PRELID2: variants seen among roughly 807,000 people sequenced by gnomAD.
PRELID2 encodes PRELI domain-containing protein 2.
In PRELID2, 25 loss-of-function variants were observed where a neutral mutation model predicts 28.4. That is an observed-to-expected ratio of 0.88 (90% confidence interval 0.64 to 1.23). The LOEUF is 1.23. Ranked by LOEUF, PRELID2 falls within the 50% of genes most tolerant of loss-of-function variation. The pLI is 0.00. For synonymous variants in PRELID2, 76 were observed against 71.6 expected, an observed-to-expected ratio of 1.06 and a Z score of -0.31; for missense variants, 201 against 214.4, an observed-to-expected ratio of 0.94 and a Z score of 0.39.
chr5:145,444,693 G>A, the PRELID2 span, among the ~76,000 whole-genome samples: 1 of 151,926 alleles, frequency 6.6e-6, no homozygotes, highest in African/African-American at 2.4e-5. Flanking sequence ...TTTAGCTAAT[G>A]ATATACAGCT....
chr5:145,512,245 G>C (rs954698420), intron 1 of PRELID2, among the ~76,000 whole-genome samples: 3 of 152,158 alleles, frequency 2.0e-5, no homozygotes, highest in Admixed American at 6.5e-5. Flanking sequence ...ACTTCTAACT[G>C]AGGTACCCAG....
the PRELID2 span, chr5:145,229,380 T>TC: frequency 4.0e-6 from 3 of 744,082 alleles, no homozygotes; most frequent in Non-Finnish European, 7.4e-6. Context: ...CTCATGCACA[T>TC]CAGCTACAAG....
In PRELID2 at chr5:145,817,212, T is replaced by TA. The variant is rs200034950; in HGVS notation, c.368+681dup. On this transcript the variant is annotated intron_variant, in intron 4 of 6. Coordinates refer to ENST00000683046, the MANE Select transcript of PRELID2 (RefSeq NM_205846.3). ...TTTCAAAAAAAAATAAATAAATAAA[T>TA]AAAAAAAAATATATATATATATATA... Among the ~76,000 whole-genome samples the TA allele has an allele frequency of 1.5e-3, 108 of 72,838 alleles. 4 individuals carry two copies. The highest frequency in any genetic ancestry group is 3.9e-3 in the African/African-American group (92 of 23,460). 47.8% of individuals were successfully genotyped at this position (72,838 alleles called of 152,430 possible).
At chr5:145,498,497 CTGTT>C (rs976102047) in intron 1 of PRELID2, among the ~76,000 whole-genome samples, 18 of 151,996 alleles carry the variant, frequency 1.2e-4, no homozygotes, top group African/African-American at 3.9e-4. Flanking sequence ...TTGTCTCTCT[CTGTT>C]TTTTGTTTGT....
At chr5:145,316,556 A>C in the PRELID2 span, among the ~76,000 whole-genome samples, 1 of 152,174 alleles carries the variant, frequency 6.6e-6, no homozygotes, top group Non-Finnish European at 1.5e-5. Context: ...AGAACTACTT[A>C]AAGAAGGTTA....
At chr5:145,750,641 C>T (rs760823257) in intron 1 of PRELID2, among the ~76,000 whole-genome samples, 1 of 152,118 alleles carries the variant, frequency 6.6e-6, no homozygotes, top group Non-Finnish European at 1.5e-5. Context: ...GGGATACTAC[C>T]ATATTTGCCA....
intron 1 of PRELID2, among the ~76,000 whole-genome samples, chr5:145,599,515 G>A (rs1418882523): frequency 1.3e-5 from 2 of 152,066 alleles, no homozygotes; most frequent in African/African-American, 4.8e-5. Context: ...GATGACTACT[G>A]GAGGAATTCT....
At chr5:145,666,352 C>A (rs1047105655) in intron 1 of PRELID2, among the ~76,000 whole-genome samples, 1 of 152,120 alleles carries the variant, frequency 6.6e-6, no homozygotes, top group African/African-American at 2.4e-5. Context: ...CAGCCTCCAT[C>A]GCTGAAGCAG....
At chr5:145,350,295 A>G in the PRELID2 span, among the ~76,000 whole-genome samples, 2 of 152,192 alleles carry the variant, frequency 1.3e-5, no homozygotes, top group African/African-American at 4.8e-5. Flanking sequence ...ATCAGTCTAG[A>G]TGACATGAGA....
In PRELID2 at chr5:145,530,215, C is replaced by A. The variant is rs181567283; in HGVS notation, n.71-56900G>T. Among the ~76,000 whole-genome samples the A allele has an allele frequency of 4.6e-5, 7 of 152,082 alleles. 1 individual carries two copies. The highest frequency in any genetic ancestry group is 2.0e-4 in the Admixed American group (3 of 15,244). ...GAATACATTTACAGTAGATAGAGAA[C>A]GCCATTCAATTTACTCAACAAGTAT... On this transcript the variant is annotated intron_variant and non_coding_transcript_variant, in intron 1 of 2. Transcript: ENST00000510259.
chr5:145,418,999 G>A, the PRELID2 span, among the ~76,000 whole-genome samples: 7 of 150,428 alleles, frequency 4.7e-5, no homozygotes, highest in South Asian at 2.1e-4. Flanking sequence ...TTGTTCTTGC[G>A]ATAGTTTACT....
the PRELID2 span, among the ~76,000 whole-genome samples, chr5:145,462,173 G>A: frequency 6.6e-6 from 1 of 152,166 alleles, no homozygotes; most frequent in Non-Finnish European, 1.5e-5. Flanking sequence ...AAAAGCTACA[G>A]AGAGCACTGA....
chr5:145,459,437 C>A, the PRELID2 span, among the ~76,000 whole-genome samples: 1 of 151,928 alleles, frequency 6.6e-6, no homozygotes, highest in Non-Finnish European at 1.5e-5. Flanking sequence ...ATATAGTATA[C>A]CTAGAAAAGT....
chr5:145,338,801 G>C, the PRELID2 span, among the ~76,000 whole-genome samples: 1 of 152,130 alleles, frequency 6.6e-6, no homozygotes, highest in African/African-American at 2.4e-5. Context: ...ATGGTTATGG[G>C]ATTTTAACTG....
At chr5:145,581,732 G>A (rs141843354) in intron 1 of PRELID2, among the ~76,000 whole-genome samples, 64 of 152,104 alleles carry the variant, frequency 4.2e-4, no homozygotes, top group African/African-American at 1.4e-3. Context: ...AGCCTCTTGC[G>A]ATTTTACATT....
chr5:145,789,952 C>T (rs1256390903), intron 5 of PRELID2, among the ~76,000 whole-genome samples: 1 of 152,128 alleles, frequency 6.6e-6, no homozygotes, highest in Non-Finnish European at 1.5e-5. Flanking sequence ...GAGATATCAC[C>T]TCATACTTGT....
intron 5 of PRELID2, among the ~76,000 whole-genome samples, chr5:145,776,291 T>G (rs1212585195): frequency 6.6e-6 from 1 of 152,218 alleles, no homozygotes; most frequent in East Asian, 1.9e-4. Context: ...TCTGTAGCCC[T>G]CTGAGCTCTC....
Position 145,816,373 on chromosome 5 carries a change from C to T in PRELID2, c.368+1521G>A, listed in dbSNP as rs540752260. On this transcript the variant is annotated intron_variant, in intron 4 of 6. Transcript: ENST00000683046. ...CTAGGATTACAGGCATGAGTCACCACGCCCAGCCTGTTTTTCACCTTCTTG... is the reference window on the plus strand; with the variant it reads ...CTAGGATTACAGGCATGAGTCACCATGCCCAGCCTGTTTTTCACCTTCTTG... Among the ~76,000 whole-genome samples the T allele has an allele frequency of 5.3e-5, 8 of 152,156 alleles. No individual in the cohort carries two copies. The East Asian group carries it at 1.4e-3, about 26-fold the overall frequency.
intron 1 of PRELID2, among the ~76,000 whole-genome samples, chr5:145,505,974 G>A (rs537655140): frequency 1.3e-5 from 2 of 152,282 alleles, no homozygotes; most frequent in African/African-American, 4.8e-5. Flanking sequence ...ATAGAATGGT[G>A]GTTTCCAGGG....
Sources: gnomAD v4.1 joint callset for allele counts (sites outside exome capture counted in the v4.1 genomes callset) on GRCh38, gnomAD v4.1.1 for gene constraint, MANE v1.5 for transcripts, NCBI Gene and HGNC (gene_info 2026-07-23, HGNC 2026-07-21) for gene names.